Variants in DNMT3A observed in about 807,000 individuals in gnomAD.
DNMT3A encodes the protein DNA (cytosine-5)-methyltransferase 3A.
In DNMT3A, 267 loss-of-function variants were observed where a neutral mutation model predicts 117.6. The observed-to-expected ratio is 2.27, with a 90% CI of 2.05 to 2.51. The LOEUF is 2.51. Ranked by LOEUF, DNMT3A falls within the 30% of genes most tolerant of loss-of-function variation. The pLI, the probability that DNMT3A is intolerant of heterozygous loss-of-function variation, is 0.00. For synonymous variants in DNMT3A, 432 were observed against 474.8 expected (o/e 0.91, Z 1.17); for missense variants, 1,029 against 1,260.2 (o/e 0.82, Z 2.78).
At chr2:25,259,583 T>C (rs1393726956) in intron 6 of DNMT3A, among the ~76,000 whole-genome samples, 1 of 152,166 alleles carries the variant, frequency 6.6e-6, no homozygotes, top group Non-Finnish European at 1.5e-5. Flanking sequence ...CATGACAAGT[T>C]TGCTTTAGGG....
At chr2:25,244,113 A>G in intron 15 of DNMT3A, 42 bp downstream of exon 15, 1 of 1,613,060 alleles carries the variant, frequency 6.2e-7, no homozygotes, top group Non-Finnish European at 8.5e-7. Flanking sequence ...ACCAAGGCTC[A>G]GCCAAGGGAG....
In DNMT3A at chr2:25,252,313, G is replaced by T; in HGVS notation, c.640-4061C>A. On this transcript the variant is annotated intron_variant, in intron 6 of 22. Coordinates refer to ENST00000321117, the MANE Select transcript of DNMT3A (RefSeq NM_022552.5). This position sits in a 1 kb window ranked among gnomAD's most constrained non-coding sequence, Gnocchi z 5.5. The stretch of plus-strand genomic sequence containing the variant: ...AGGGGGCGATGGGGCTGGGGGCGGA[G>T]GGGGCCACTGGGAGGGGAGGGGGGC... The T allele has an allele frequency of 1.5e-6, 1 of 689,140 alleles. No individual in the cohort carries two copies. The highest frequency in any genetic ancestry group is 3.8e-5 in the Admixed American group (1 of 26,586). The allele number at this position is 689,140 out of a possible 1,614,324, so 42.7% of individuals were successfully genotyped here. A position where few individuals can be genotyped will look rare whatever the true frequency, so the allele number is the denominator to read the frequency against.
chr2:25,242,053 T>A (rs1443742934), intron 16 of DNMT3A: 4 of 287,852 alleles, frequency 1.4e-5, no homozygotes, highest in African/African-American at 2.3e-5. Context: ...TTCCATACCC[T>A]CTTATCACCT....
chr2:25,315,958 G>T (rs984827453), intron 1 of DNMT3A, among the ~76,000 whole-genome samples: 3 of 152,236 alleles, frequency 2.0e-5, no homozygotes, highest in Admixed American at 2.0e-4. Flanking sequence ...CCCAAAGTCC[G>T]CAGGGGTGGG....
In DNMT3A at chr2:25,341,863, C is replaced by A; in HGVS notation, c.-215G>T. 1.0e-6 allele frequency: 1 copy of A among 980,332 alleles called. No homozygotes were observed. The allele number at this position is 980,332 out of a possible 1,614,324, so 60.7% of individuals were successfully genotyped here. A position where few individuals can be genotyped will look rare whatever the true frequency, so the allele number is the denominator to read the frequency against. On this transcript the variant is annotated 5_prime_UTR_variant, in exon 1 of 23. Transcript: ENST00000321117. Reference sequence around the variant, plus strand: ...GGGGTCGGGCCGGCCCGGCTGCGCGCCCTGGTGCCGCGGCGCCGCGTCCCG... The same window carrying A: ...GGGGTCGGGCCGGCCCGGCTGCGCGACCTGGTGCCGCGGCGCCGCGTCCCG...
chr2:25,280,480 TTCTCACTC>T (rs1264631587), intron 4 of DNMT3A, among the ~76,000 whole-genome samples: 2 of 152,196 alleles, frequency 1.3e-5, no homozygotes, highest in Non-Finnish European at 2.9e-5. Context: ...TTCTTCCCTG[TTCTCACTC>T]TCTCCCTCTA....
Position 25,236,611 on chromosome 2 carries a change from A to G in DNMT3A, c.2478+325T>C, listed in dbSNP as rs2149260093. Among the ~76,000 whole-genome samples, 1 of 152,136 alleles carries G rather than the reference A, an allele frequency of 6.6e-6. No individual in the cohort carries two copies. The highest frequency in any genetic ancestry group is 2.1e-4 in the South Asian group (1 of 4,802). On this transcript the variant is annotated intron_variant, in intron 21 of 22. Coordinates refer to ENST00000321117, the MANE Select transcript of DNMT3A (RefSeq NM_022552.5). The surrounding 1 kb of genome is among the most constrained non-coding windows in gnomAD (Gnocchi z 4.5). ...AGAAATGGAGCTTCCACATCACAGG[A>G]GGCTGCTTTGAGGGCTTTTGTAATA...
chr2:25,251,868 C>G (rs940043364), intron 6 of DNMT3A: 1 of 417,686 alleles, frequency 2.4e-6, no homozygotes, highest in Non-Finnish European at 4.3e-6. Context: ...GCCTCCAACC[C>G]AACTCCTGGG....
intron 22 of DNMT3A, among the ~76,000 whole-genome samples, chr2:25,235,184 C>CT (rs775705977): frequency 8.4e-4 from 122 of 144,480 alleles, no homozygotes; most frequent in African/African-American, 1.4e-3. Flanking sequence ...CTAGACTCCT[C>CT]TTTTTTTTTT....
rs1672714242 is a variant in DNMT3A at position 25,227,990 on chromosome 2, C to T, written c.*6289G>A. 6.6e-6 allele frequency: 1 copy of T among 151,586 alleles called. No individual in the cohort carries two copies. Among genetic ancestry groups the T allele is most frequent in the African/African-American group, 2.4e-5 (1 of 41,250 alleles). The allele number at this position is 151,586 out of a possible 1,614,324, so 9.4% of individuals were successfully genotyped here. A position where few individuals can be genotyped will look rare whatever the true frequency, so the allele number is the denominator to read the frequency against. ...AAAAAAAAATGTGATGAAGGCGGAA[C>T]TGACAGACTTTCTACATCTGTTGTA... On this transcript the variant is annotated 3_prime_UTR_variant, in exon 23 of 23. Transcript: ENST00000321117.
intron 4 of DNMT3A, among the ~76,000 whole-genome samples, chr2:25,278,419 A>T (rs979551994): frequency 1.3e-5 from 2 of 152,224 alleles, no homozygotes; most frequent in African/African-American, 4.8e-5. Flanking sequence ...TGCTCAGAGT[A>T]GAGAGGGGTT....
rs776844126 is a variant in DNMT3A at position 25,240,370 on chromosome 2, A to G, written c.2254T>C (p.Phe752Leu). 2.5e-6 allele frequency: 4 copies of G among 1,614,018 alleles called. No homozygotes were observed. Among genetic ancestry groups the G allele is most frequent in the Non-Finnish European group, 3.4e-6 (4 of 1,179,994 alleles). ...GCCACCACATTCTCAAAGAGCCAGAAGAAGGGGCGATCATCTCCCTCCTTG... is the reference window on the plus strand; with the variant it reads ...GCCACCACATTCTCAAAGAGCCAGAGGAAGGGGCGATCATCTCCCTCCTTG... ...RPKEGDDRPFFWLFENVVAMG... is the reference protein window; with the variant it reads ...RPKEGDDRPFLWLFENVVAMG... Residue 752 changes from phenylalanine to leucine, a missense_variant, in exon 19 of 23, where the codon TTC becomes CTC. Phe to Leu is a conservative substitution (Grantham distance 22). Transcript: ENST00000321117.
Position 25,300,768 on chromosome 2 carries a change from T to A in DNMT3A, c.73-525A>T, listed in dbSNP as rs199803894. On this transcript the variant is annotated intron_variant, in intron 2 of 22. Transcript: ENST00000321117. ...ATATATATATATATATATATATATA[T>A]AAATAATACATCCTTTGGGGAACTT... is the stretch of plus-strand genomic sequence containing the variant. Among the ~76,000 whole-genome samples the A allele has an allele frequency of 6.6e-3, 405 of 61,114 alleles. 2 individuals carry two copies. The highest frequency in any genetic ancestry group is 8.6e-3 in the Non-Finnish European group (288 of 33,478). The allele number at this position is 61,114 out of a possible 152,430, so 40.1% of individuals were successfully genotyped here. A position where few individuals can be genotyped will look rare whatever the true frequency, so the allele number is the denominator to read the frequency against.
intron 4 of DNMT3A, 118 bp from the exon 5 acceptor site, chr2:25,275,661 GT>G: frequency 9.0e-7 from 1 of 1,111,416 alleles, no homozygotes; most frequent in Non-Finnish European, 1.3e-6. Flanking sequence ...TCCTCTGGCC[GT>G]TTAGCTGTTC....
At chr2:25,333,922 A>G (rs924102030) in intron 1 of DNMT3A, among the ~76,000 whole-genome samples, 1 of 152,220 alleles carries the variant, frequency 6.6e-6, no homozygotes, top group African/African-American at 2.4e-5. Flanking sequence ...GGGCTGAGAC[A>G]GTCCTCCAGG....
At chr2:25,270,686 G>A (rs748798642) in intron 6 of DNMT3A, among the ~76,000 whole-genome samples, 12 of 151,886 alleles carry the variant, frequency 7.9e-5, no homozygotes, top group Non-Finnish European at 1.8e-4. Context: ...GTGGAGATCT[G>A]GGGATGCAGC....
intron 1 of DNMT3A, among the ~76,000 whole-genome samples, chr2:25,332,212 T>C (rs1054162201): frequency 6.6e-6 from 1 of 152,210 alleles, no homozygotes; most frequent in African/African-American, 2.4e-5. Flanking sequence ...CCGCCTTCCA[T>C]GTCCCCCGGC....
chr2:25,334,657 G>A (rs955494348), intron 1 of DNMT3A, among the ~76,000 whole-genome samples: 1 of 152,226 alleles, frequency 6.6e-6, no homozygotes, highest in Non-Finnish European at 1.5e-5. Flanking sequence ...CCCTGTCCCT[G>A]GCGTGGGCCA....
chr2:25,245,393 C>T (rs370954207), intron 12 of DNMT3A, 61 bp from the exon 13 acceptor site: 304 of 1,480,454 alleles, frequency 2.1e-4, no homozygotes, highest in Admixed American at 6.4e-4. Context: ...CTCCCCGGGC[C>T]GGAGCCCAGC....
Sources: allele counts gnomAD v4.1 joint callset (sites outside exome capture counted in the v4.1 genomes callset), GRCh38; gene constraint gnomAD v4.1.1; non-coding constraint Gnocchi (gnomAD v3.1); transcripts MANE v1.5; gene names NCBI Gene and HGNC (gene_info 2026-07-23, HGNC 2026-07-21).